The following IL1RAPL2 variants were observed in gnomAD, a reference collection of about 807,000 sequenced individuals.
IL1RAPL2 encodes the protein X-linked interleukin-1 receptor accessory protein-like 2.
In IL1RAPL2, 3 loss-of-function variants were observed where a neutral mutation model predicts 44.1. The ratio of observed to expected loss-of-function variants is 0.07; its 90% CI spans 0.03 to 0.18. IL1RAPL2 has a LOEUF of 0.18. Among genes scored for constraint, IL1RAPL2 ranks in the 10% least tolerant of loss-of-function variants. IL1RAPL2 has a pLI of 1.00. For missense variants in IL1RAPL2, 391 were observed against 496.4 expected (o/e 0.79, Z 2.02); for synonymous variants, 181 against 178.8 (o/e 1.01, Z -0.10).
intron 2 of IL1RAPL2, among the ~76,000 whole-genome samples, chrX:104,969,961 GTTGT>G (rs2030200794): frequency 9.1e-6 from 1 of 109,587 alleles, no homozygotes; most frequent in South Asian, 3.9e-4. Flanking sequence ...TTATACACTA[GTTGT>G]TGGTGGGAGT....
intron 2 of IL1RAPL2, among the ~76,000 whole-genome samples, chrX:104,916,242 C>A (rs1308355330): frequency 9.0e-6 from 1 of 111,617 alleles, no homozygotes; most frequent in Non-Finnish European, 1.9e-5. Context: ...TCTTTTATTT[C>A]ATTGAGCAGT....
intron 2 of IL1RAPL2, among the ~76,000 whole-genome samples, chrX:104,678,324 T>G: frequency 8.9e-6 from 1 of 112,142 alleles, no homozygotes; most frequent in South Asian, 3.7e-4. Flanking sequence ...TGAACAGTTT[T>G]TAAACCTATG....
intron 6 of IL1RAPL2, among the ~76,000 whole-genome samples, chrX:105,613,696 C>T (rs927993818): frequency 1.8e-5 from 2 of 111,694 alleles, no homozygotes; most frequent in African/African-American, 6.5e-5. Flanking sequence ...GCAGTAGCCT[C>T]GTAGTACTCT....
At chrX:105,669,589 A>T (rs757778309) in intron 6 of IL1RAPL2, among the ~76,000 whole-genome samples, 51 of 111,701 alleles carry the variant, frequency 4.6e-4, no homozygotes, top group African/African-American at 1.5e-3. Flanking sequence ...AGGTGTAATA[A>T]ATAATTCAGA....
intron 6 of IL1RAPL2, among the ~76,000 whole-genome samples, chrX:105,594,477 T>C (rs1177299966): frequency 3.6e-5 from 4 of 111,914 alleles, no homozygotes; most frequent in African/African-American, 1.3e-4. Context: ...ATACTTCTCA[T>C]ACTAATACCA....
chrX:104,981,401 T>C (rs1194049766), intron 2 of IL1RAPL2, among the ~76,000 whole-genome samples: 1 of 110,703 alleles, frequency 9.0e-6, no homozygotes, highest in African/African-American at 3.3e-5. Context: ...TGTTGGTATA[T>C]AGAAATGCTA....
intron 5 of IL1RAPL2, among the ~76,000 whole-genome samples, chrX:105,412,155 G>A (rs1259683892): frequency 9.1e-6 from 1 of 110,451 alleles, no homozygotes; most frequent in Non-Finnish European, 1.9e-5. Flanking sequence ...CACAACAAAA[G>A]CAGTTCTAAG....
chrX:105,351,608 C>T (rs1450384128), intron 5 of IL1RAPL2, among the ~76,000 whole-genome samples: 2 of 109,831 alleles, frequency 1.8e-5, no homozygotes, highest in Non-Finnish European at 3.8e-5. Flanking sequence ...GGGAGGGGAA[C>T]ATCACACACT....
chrX:104,591,919 G>GA (rs1928673574), intron 1 of IL1RAPL2, among the ~76,000 whole-genome samples: 1 of 110,142 alleles, frequency 9.1e-6, no homozygotes, highest in South Asian at 4.0e-4. Flanking sequence ...GTAAACTCAA[G>GA]AAATTCTCTT....
intron 5 of IL1RAPL2, among the ~76,000 whole-genome samples, chrX:105,291,515 A>T (rs1222667448): frequency 1.8e-5 from 2 of 111,967 alleles, no homozygotes; most frequent in African/African-American, 6.5e-5. Context: ...AGAATTATTG[A>T]TGAAGTCACT....
chrX:104,717,745 A>T (rs1931598422), intron 2 of IL1RAPL2, among the ~76,000 whole-genome samples: 1 of 108,831 alleles, frequency 9.2e-6, no homozygotes, highest in Admixed American at 9.8e-5. Context: ...ATCTCTCCTA[A>T]TGCTATCTCC....
chrX:105,518,078 A>G (rs1298660309), intron 6 of IL1RAPL2, among the ~76,000 whole-genome samples: 2 of 111,351 alleles, frequency 1.8e-5, no homozygotes, highest in Non-Finnish European at 3.8e-5. Flanking sequence ...GAAGTCATGA[A>G]TGGAGAGGCC....
chrX:105,353,691 G>A (rs1243246120), intron 5 of IL1RAPL2, among the ~76,000 whole-genome samples: 1 of 111,192 alleles, frequency 9.0e-6, no homozygotes, highest in Non-Finnish European at 1.9e-5. Flanking sequence ...TCTCTTTGAA[G>A]CAATTGTGAA....
chrX:105,715,849 A>C (rs2038252552), intron 6 of IL1RAPL2, among the ~76,000 whole-genome samples: 1 of 111,815 alleles, frequency 8.9e-6, no homozygotes, highest in Admixed American at 9.5e-5. Context: ...ATCCAAGGAA[A>C]CATTTAAGAG....
intron 1 of IL1RAPL2, chrX:104,647,602 G>C (rs965036216): frequency 9.5e-6 from 5 of 523,585 alleles, no homozygotes; most frequent in African/African-American, 4.6e-5. Flanking sequence ...CAGCATCAAA[G>C]TGAGACACCA....
chrX:105,341,045 A>T (rs1215951161), intron 5 of IL1RAPL2, among the ~76,000 whole-genome samples: 1 of 110,977 alleles, frequency 9.0e-6, no homozygotes, highest in East Asian at 2.8e-4. Flanking sequence ...ACTGACTGAA[A>T]TTAGAGAAAC....
chrX:104,573,928 A>G (rs1928195636), intron 1 of IL1RAPL2, among the ~76,000 whole-genome samples: 1 of 111,846 alleles, frequency 8.9e-6, no homozygotes, highest in South Asian at 3.7e-4. Flanking sequence ...AATTTAATAA[A>G]GCTACATCTA....
chrX:104,960,862 G>A (rs1019481779), intron 2 of IL1RAPL2, among the ~76,000 whole-genome samples: 2 of 111,637 alleles, frequency 1.8e-5, no homozygotes, highest in Admixed American at 9.6e-5. Flanking sequence ...ACACCAAATC[G>A]TAGACTAGGA....
At chrX:105,119,954 C>G (rs968667108) in intron 2 of IL1RAPL2, among the ~76,000 whole-genome samples, 1 of 109,949 alleles carries the variant, frequency 9.1e-6, no homozygotes, top group African/African-American at 3.3e-5. Flanking sequence ...TTAATCTTCA[C>G]AACAACTCTA....
Sources: allele counts gnomAD v4.1 joint callset (sites outside exome capture counted in the v4.1 genomes callset), GRCh38; gene constraint gnomAD v4.1.1; transcripts MANE v1.5; gene names NCBI Gene and HGNC (gene_info 2026-07-23, HGNC 2026-07-21).